LYPD5: variants seen among roughly 807,000 people sequenced by gnomAD.
LYPD5 encodes LY6/PLAUR domain containing 5.
A neutral mutation model predicts 19.1 loss-of-function variants in LYPD5; 21 were observed. The observed-to-expected ratio is 1.10, with a 90% confidence interval of 0.78 to 1.58. The LOEUF is 1.58. Ranked by LOEUF, LYPD5 falls within the 40% of genes most tolerant of loss-of-function variation. The pLI is 0.00. For synonymous variants in LYPD5, 128 were observed against 142.7 expected (o/e 0.90, Z 0.74); for missense variants, 287 against 329.8 (o/e 0.87, Z 1.00).
In LYPD5 at chr19:43,814,085, C is replaced by T. The variant is rs141293769; in HGVS notation, c.-66+6455G>A. Among the ~76,000 whole-genome samples the T allele has an allele frequency of 4.0e-3, 612 of 152,326 alleles. 2 individuals carry two copies. Among genetic ancestry groups the T allele is most frequent in the Middle Eastern group, 0.034 (10 of 294 alleles). On this transcript the variant is annotated intron_variant, in intron 1 of 4. Transcript: ENST00000414615. ...ATCCACATACTTCTTCCTAGACCTACTTGCCCCTGAGCTTCCAGTCTCATT... is the reference window on the plus strand; with the variant it reads ...ATCCACATACTTCTTCCTAGACCTATTTGCCCCTGAGCTTCCAGTCTCATT...
At chr19:43,803,387 A>G (rs1036987819), upstream of LYPD5, among the ~76,000 whole-genome samples, 1 of 152,200 alleles carries the variant, frequency 6.6e-6, no homozygotes, top group Non-Finnish European at 1.5e-5. Flanking sequence ...GTGCTGAGGC[A>G]GAGACCCCAG....
chr19:43,803,839 C>T (rs566971894), upstream of LYPD5, among the ~76,000 whole-genome samples: 2 of 151,956 alleles, frequency 1.3e-5, no homozygotes, highest in African/African-American at 4.8e-5. Context: ...CCCCGCACCC[C>T]CTCTCTTTTT....
At chr19:43,798,083 T>C (rs1599692132) in intron 4 of LYPD5, among the ~76,000 whole-genome samples, 1 of 110,840 alleles carries the variant, frequency 9.0e-6, no homozygotes, top group Non-Finnish European at 1.8e-5. Context: ...CAGACCAGGG[T>C]TATGCCTCCT....
At position 43,796,246 on chromosome 19, in the gene LYPD5, T is replaced by C. The variant is rs1433563898; in HGVS notation, c.*1345A>G. ...CACAAACATTCAGACAATAGCAGGA[T>C]GCAACTTACTTTTTTGCTTCTCTCA... On this transcript the variant is annotated 3_prime_UTR_variant, in exon 5 of 5. Transcript: ENST00000377950. 1 of 152,222 alleles carries C rather than the reference T, an allele frequency of 6.6e-6. No homozygotes were observed. Among genetic ancestry groups the C allele is most frequent in the African/African-American group, 2.4e-5 (1 of 41,456 alleles). The allele number at this position is 152,222 out of a possible 1,614,324, so 9.4% of individuals were successfully genotyped here. A position where few individuals can be genotyped will look rare whatever the true frequency, so the allele number is the denominator to read the frequency against.
chr19:43,802,926 G>A (rs1970241058), upstream of LYPD5, among the ~76,000 whole-genome samples: 1 of 152,186 alleles, frequency 6.6e-6, no homozygotes, highest in Admixed American at 6.5e-5. Context: ...CTACCGGGCT[G>A]TGAACTCTTC....
upstream of LYPD5, among the ~76,000 whole-genome samples, chr19:43,805,547 G>A (rs1256963660): frequency 6.6e-6 from 1 of 152,118 alleles, no homozygotes; most frequent in Non-Finnish European, 1.5e-5. Context: ...TCACTCTGTT[G>A]CCCAAGCTGG....
chr19:43,798,944 C>G lies in LYPD5; in HGVS notation c.238G>C (p.Gly80Arg), dbSNP rs917006845. 8 of 1,589,346 alleles carry G rather than the reference C, an allele frequency of 5.0e-6. No individual in the cohort carries two copies. The highest frequency in any genetic ancestry group is 1.3e-5 in the African/African-American group (1 of 74,596). The change falls in exon 3 of 5, where the codon GGG becomes CGG. Residue 80 changes from glycine to arginine, a missense_variant. Physicochemically the swap from Gly to Arg is moderately radical, Grantham distance 125. Transcript: ENST00000377950. The stretch of plus-strand genomic sequence containing the variant: ...GATTGCGTCTGGCCCGCAGGAGGCC[C>G]GGTCCAGCAGCCCTTCCGCACCAGG... ...VTLVRKGCWT[G>R]PPAGQTQSNA...
intron 1 of LYPD5, among the ~76,000 whole-genome samples, chr19:43,814,060 A>G (rs1365997418): frequency 1.3e-5 from 2 of 152,208 alleles, no homozygotes; most frequent in Non-Finnish European, 2.9e-5. Flanking sequence ...CCATAAATGT[A>G]TCCACATACT....
intron 1 of LYPD5, among the ~76,000 whole-genome samples, chr19:43,801,976 G>A (rs1415919581): frequency 6.6e-6 from 1 of 152,182 alleles, no homozygotes; most frequent in Non-Finnish European, 1.5e-5. Flanking sequence ...CTTTGAATTG[G>A]GGGTTGGGCA....
At chr19:43,802,286 T>C (rs1457417331) in intron 1 of LYPD5, 31 bp downstream of exon 1, 20 of 1,545,240 alleles carry the variant, frequency 1.3e-5, no homozygotes, top group Non-Finnish European at 1.8e-5. Flanking sequence ...CACCTGCCCC[T>C]TCTCACTACT....
At chr19:43,817,876 G>A (rs755884799) in intron 1 of LYPD5, among the ~76,000 whole-genome samples, 4 of 151,830 alleles carry the variant, frequency 2.6e-5, no homozygotes, top group East Asian at 1.9e-4. Context: ...ACCACCACAC[G>A]CAAGTAATTT....
rs985972323 is a variant in LYPD5, at chr19:43,798,888, C to A, written c.294G>T (p.Ser98=). Residue 98 remains serine (S), a synonymous_variant, in exon 3 of 5, where the codon TCG becomes TCT. Coordinates refer to ENST00000377950, the MANE Select transcript of LYPD5 (RefSeq NM_001031749.3). Reference sequence around the variant, plus strand: ...TGTCAGTTGTGCAGCCGCGCACCACCGAGTAGTCTGGCGGCAGCGCGTCCG... The same window carrying A: ...TGTCAGTTGTGCAGCCGCGCACCACAGAGTAGTCTGGCGGCAGCGCGTCCG... ...SNADALPPDY[S]VVRGCTTDKC... is the part of the protein sequence containing the mutation. 6.2e-7 allele frequency: 1 copy of A among 1,605,936 alleles called. No individual in the cohort carries two copies. Among genetic ancestry groups the A allele is most frequent in the Non-Finnish European group, 8.5e-7 (1 of 1,176,418 alleles).
chr19:43,817,809 C>T (rs1217957078), intron 1 of LYPD5, among the ~76,000 whole-genome samples: 1 of 151,946 alleles, frequency 6.6e-6, no homozygotes, highest in Admixed American at 6.6e-5. Flanking sequence ...CTCTGCCTCC[C>T]AGGTTCAAGC....
upstream of LYPD5, among the ~76,000 whole-genome samples, chr19:43,806,954 T>C (rs1327124199): frequency 1.3e-5 from 2 of 152,226 alleles, no homozygotes; most frequent in Non-Finnish European, 2.9e-5. Context: ...CTTTAGTGAC[T>C]GGCTTATTTC....
chr19:43,812,358 TATCTATCTATCTATCTATCAATCTATC>T (rs899335373), intron 1 of LYPD5, among the ~76,000 whole-genome samples: 9 of 141,264 alleles, frequency 6.4e-5, no homozygotes, highest in South Asian at 2.3e-4. Context: ...TCTATCTATC[TATCTATCTATCTATCTATCAATCTATC>T]ATCTATCTAT....
chr19:43,798,668 T>C (rs987736679), intron 3 of LYPD5, 67 bp from the exon 4 acceptor site: 35 of 1,552,492 alleles, frequency 2.3e-5, no homozygotes, highest in Non-Finnish European at 3.1e-5. Flanking sequence ...GGCTGCGCAC[T>C]GCGCCAGAGC....
At chr19:43,816,032 CTCTATCTATCTATCTATCTATCTATCTA>C (rs111461643) in intron 1 of LYPD5, among the ~76,000 whole-genome samples, 4 of 147,748 alleles carry the variant, frequency 2.7e-5, no homozygotes, top group Admixed American at 6.8e-5. Context: ...CCACGCCCCA[CTCTATCTATCTATCTATCTATCTATCTA>C]TCTATCTATC....
intron 1 of LYPD5, among the ~76,000 whole-genome samples, chr19:43,801,964 A>G (rs1970227714): frequency 6.6e-6 from 1 of 152,114 alleles, no homozygotes. Flanking sequence ...CCCTGGAAAT[A>G]CCTTTGAATT....
intron 1 of LYPD5, among the ~76,000 whole-genome samples, chr19:43,815,953 C>T (rs977242151): frequency 2.0e-5 from 3 of 152,044 alleles, no homozygotes; most frequent in African/African-American, 4.8e-5. Flanking sequence ...AGGCTGGTCT[C>T]GAACTCCTAA....
Sources: gnomAD v4.1 joint callset for allele counts (sites outside exome capture counted in the v4.1 genomes callset) on GRCh38, gnomAD v4.1.1 for gene constraint, MANE v1.5 for transcripts, NCBI Gene and HGNC (gene_info 2026-07-23, HGNC 2026-07-21) for gene names.